The following ETV6 variants were observed in gnomAD, a reference collection of about 807,000 sequenced individuals.
The protein encoded by ETV6 is transcription factor ETV6.
In ETV6, 16 loss-of-function variants were observed where a neutral mutation model predicts 51.1. That is an observed-to-expected ratio of 0.31 (90% confidence interval 0.21 to 0.48). The LOEUF (loss-of-function observed/expected upper bound fraction) is 0.48, where lower values mean the gene tolerates loss of function less well. ETV6 is among the 20% of genes least tolerant of loss of function. The pLI, the probability that ETV6 is intolerant of heterozygous loss-of-function variation, is 0.99. For missense variants in ETV6, 458 were observed against 594.8 expected, an observed-to-expected ratio of 0.77 and a Z score of 2.39; for synonymous variants, 240 against 224.1, an observed-to-expected ratio of 1.07 and a Z score of -0.64.
chr12:11,848,033 A>G (rs983582788), intron 3 of ETV6, among the ~76,000 whole-genome samples: 3 of 152,230 alleles, frequency 2.0e-5, no homozygotes, highest in Non-Finnish European at 4.4e-5. Context: ...AAACTTACGC[A>G]TGTGCTTTAA....
chr12:11,802,412 A>G (rs1360002878), intron 2 of ETV6, among the ~76,000 whole-genome samples: 1 of 152,244 alleles, frequency 6.6e-6, no homozygotes, highest in Non-Finnish European at 1.5e-5. Context: ...AAACCATCTC[A>G]AAGTTCTGGG....
rs16907150 is a variant in ETV6, at chr12:11,690,019, G to A, written c.33+39859G>A. Among the ~76,000 whole-genome samples the A allele has an allele frequency of 8.5e-3, 1,295 of 152,078 alleles. 21 individuals carry two copies. The highest frequency in any genetic ancestry group is 0.029 in the African/African-American group (1,210 of 41,478). On this transcript the variant is annotated intron_variant, in intron 1 of 7. Transcript: ENST00000396373. ...GGATTTATGATGCAGTTTGAAAAGG[G>A]TCAGAATATTCAGAGATGAGATTAA...
chr12:11,851,304 A>G (rs1946550050), intron 3 of ETV6, among the ~76,000 whole-genome samples: 1 of 151,804 alleles, frequency 6.6e-6, no homozygotes, highest in South Asian at 2.1e-4. Context: ...TATTCCGCAT[A>G]CTACCAAAAA....
At position 11,889,224 on chromosome 12, in the gene ETV6, T is replaced by C. The variant is rs992728778; in HGVS notation, c.1254-1717T>C. Among the ~76,000 whole-genome samples, 8 of 152,286 alleles carry C rather than the reference T, an allele frequency of 5.3e-5. No individual in the cohort carries two copies. In the South Asian group the frequency reaches 1.0e-3, roughly 20 times the overall value. On this transcript the variant is annotated intron_variant, in intron 7 of 7. Coordinates refer to ENST00000396373, the MANE Select transcript of ETV6 (RefSeq NM_001987.5). ...TTAGGGGATAAAAGAGGAGAAAAAC[T>C]GCAGATGCTACAGATCATACTGCTG...
At chr12:11,731,535 A>T (rs936442939) in intron 1 of ETV6, among the ~76,000 whole-genome samples, 2 of 152,066 alleles carry the variant, frequency 1.3e-5, no homozygotes, top group African/African-American at 4.8e-5. Context: ...AGAAGAGAAG[A>T]GAAAGAATAA....
intron 2 of ETV6, among the ~76,000 whole-genome samples, chr12:11,768,765 T>A (rs1945199119): frequency 1.3e-5 from 2 of 152,210 alleles, no homozygotes; most frequent in South Asian, 4.1e-4. Flanking sequence ...TAGTTCATCC[T>A]GGGGCCAGCT....
At chr12:11,748,788 T>C (rs1865954551) in intron 1 of ETV6, among the ~76,000 whole-genome samples, 1 of 152,176 alleles carries the variant, frequency 6.6e-6, no homozygotes, top group South Asian at 2.1e-4. Context: ...GTACCCTTCA[T>C]TGGCCCTTCA....
intron 1 of ETV6, among the ~76,000 whole-genome samples, chr12:11,749,020 A>G (rs756512638): frequency 6.6e-6 from 1 of 152,106 alleles, no homozygotes; most frequent in Non-Finnish European, 1.5e-5. Flanking sequence ...AGGTATTACA[A>G]TTGGCCTCAG....
At chr12:11,654,934 A>C (rs140848533) in intron 1 of ETV6, among the ~76,000 whole-genome samples, 8 of 152,288 alleles carry the variant, frequency 5.3e-5, no homozygotes, top group African/African-American at 1.9e-4. Flanking sequence ...CTGGCCCTAG[A>C]GAAGTAGCTA....
intron 2 of ETV6, among the ~76,000 whole-genome samples, chr12:11,754,094 A>G (rs1944965971): frequency 6.6e-6 from 1 of 152,192 alleles, no homozygotes; most frequent in African/African-American, 2.4e-5. Context: ...TCATCCTGTG[A>G]CCGATATATT....
At chr12:11,862,178 C>T (rs551954210) in intron 4 of ETV6, among the ~76,000 whole-genome samples, 1 of 152,298 alleles carries the variant, frequency 6.6e-6, no homozygotes, top group Non-Finnish European at 1.5e-5. Context: ...ATTCTAGGAG[C>T]TTACCTAGGG....
chr12:11,747,916 C>T (rs1054070506), intron 1 of ETV6, among the ~76,000 whole-genome samples: 1 of 152,214 alleles, frequency 6.6e-6, no homozygotes, highest in African/African-American at 2.4e-5. Context: ...TCAGACTTCA[C>T]TTTAATAAAT....
At chr12:11,846,183 T>A (rs1946460674) in intron 3 of ETV6, among the ~76,000 whole-genome samples, 1 of 151,442 alleles carries the variant, frequency 6.6e-6, no homozygotes, top group Non-Finnish European at 1.5e-5. Flanking sequence ...GAGAACATTC[T>A]GACATATCTA....
At chr12:11,682,602 C>T (rs1261810529) in intron 1 of ETV6, among the ~76,000 whole-genome samples, 1 of 152,158 alleles carries the variant, frequency 6.6e-6, no homozygotes, top group East Asian at 1.9e-4. Context: ...GCTTTTGTTG[C>T]CATGCTTTTG....
chr12:11,750,770 TTA>T (rs1173034271), intron 1 of ETV6: 2 of 475,008 alleles, frequency 4.2e-6, no homozygotes, highest in South Asian at 3.1e-5. Context: ...TGAACAGATT[TTA>T]TGTTTCCTAT....
At chr12:11,859,001 G>A (rs1223665947) in intron 4 of ETV6, among the ~76,000 whole-genome samples, 1 of 151,794 alleles carries the variant, frequency 6.6e-6, no homozygotes, top group Admixed American at 6.6e-5. Flanking sequence ...CTTTATTGAG[G>A]GGAATCGTAC....
At chr12:11,853,180 C>G (rs78663955) in intron 3 of ETV6, among the ~76,000 whole-genome samples, 1 of 152,190 alleles carries the variant, frequency 6.6e-6, no homozygotes, top group African/African-American at 2.4e-5. Context: ...GAGCGCAACC[C>G]TGTCTCAGAA....
chr12:11,672,488 G>A (rs1327970582), intron 1 of ETV6, among the ~76,000 whole-genome samples: 9 of 152,260 alleles, frequency 5.9e-5, no homozygotes, highest in African/African-American at 1.9e-4. Context: ...TCCTAACTTC[G>A]TTAACACAAC....
intron 4 of ETV6, among the ~76,000 whole-genome samples, chr12:11,859,249 C>T (rs1032442311): frequency 3.4e-5 from 5 of 148,586 alleles, no homozygotes; most frequent in Non-Finnish European, 5.9e-5. Context: ...TCACTCCATT[C>T]TCCTGCCTCA....
Sources: gnomAD v4.1 joint callset for allele counts (sites outside exome capture counted in the v4.1 genomes callset) on GRCh38, gnomAD v4.1.1 for gene constraint, MANE v1.5 for transcripts, NCBI Gene and HGNC (gene_info 2026-07-23, HGNC 2026-07-21) for gene names.